Variants in ARHGAP15 observed in about 807,000 individuals in gnomAD.
ARHGAP15 encodes Rho GTPase activating protein 15, also known as rho GTPase-activating protein 15.
Under a neutral mutation model 63.7 loss-of-function variants are expected in ARHGAP15, and 51 were observed. The observed-to-expected ratio is 0.80, with a 90% CI of 0.64 to 1.01. The LOEUF (loss-of-function observed/expected upper bound fraction) is 1.01. Among genes scored for constraint, ARHGAP15 ranks in the 50% least tolerant of loss-of-function variants. ARHGAP15 has a pLI of 0.00. For missense variants in ARHGAP15, 560 were observed against 564.6 expected, an observed-to-expected ratio of 0.99 and a Z score of 0.08; for synonymous variants, 191 against 193.8, an observed-to-expected ratio of 0.99 and a Z score of 0.12.
At chr2:143,518,631 G>T (rs918479911) in intron 9 of ARHGAP15, among the ~76,000 whole-genome samples, 6 of 152,182 alleles carry the variant, frequency 3.9e-5, no homozygotes, top group African/African-American at 1.4e-4. Context: ...CAGCCTGAGG[G>T]TCTGGTATTC....
rs71411383 is a variant in ARHGAP15 at position 143,397,316 on chromosome 2, A to ATGTGTGTG, written c.475-38261_475-38254dup. ...TGGACAATAATAATATGAGATATGT[A>ATGTGTGTG]TGTGTGTGTGTGTGTGTGTGTGTGT... On this transcript the variant is annotated intron_variant, in intron 6 of 13. Coordinates refer to ENST00000295095, the MANE Select transcript of ARHGAP15 (RefSeq NM_018460.4). Among the ~76,000 whole-genome samples, 310 of 147,708 alleles carry ATGTGTGTG rather than the reference A, an allele frequency of 2.1e-3. 2 individuals are homozygous for ATGTGTGTG. The highest frequency in any genetic ancestry group is 5.3e-3 in the African/African-American group (210 of 39,616).
intron 10 of ARHGAP15, among the ~76,000 whole-genome samples, chr2:143,554,449 T>C (rs1371712941): frequency 6.6e-6 from 1 of 152,188 alleles, no homozygotes; most frequent in African/African-American, 2.4e-5. Flanking sequence ...TCAGGGCCTC[T>C]GAGGGTGATT....
At chr2:143,726,419 A>G (rs1483281125) in intron 13 of ARHGAP15, among the ~76,000 whole-genome samples, 1 of 142,078 alleles carries the variant, frequency 7.0e-6, no homozygotes, top group African/African-American at 2.5e-5. Context: ...CCTGAAAAAA[A>G]CAACCAAAAA....
intron 2 of ARHGAP15, among the ~76,000 whole-genome samples, chr2:143,189,556 G>A (rs182747591): frequency 1.3e-5 from 2 of 149,382 alleles, no homozygotes. Flanking sequence ...TCCCCTCTCA[G>A]GTTCAAGCGA....
At chr2:143,385,227 G>C (rs1452688920) in intron 6 of ARHGAP15, among the ~76,000 whole-genome samples, 1 of 152,052 alleles carries the variant, frequency 6.6e-6, no homozygotes, top group Non-Finnish European at 1.5e-5. Context: ...GACACATGCA[G>C]TTATTTACAA....
At chr2:143,456,329 G>A (rs1416959974) in intron 8 of ARHGAP15, among the ~76,000 whole-genome samples, 1 of 151,900 alleles carries the variant, frequency 6.6e-6, no homozygotes, top group Non-Finnish European at 1.5e-5. Flanking sequence ...AATGACAGAG[G>A]GCAACTTAAT....
chr2:143,495,178 A>G (rs13004634), intron 9 of ARHGAP15, among the ~76,000 whole-genome samples: 40,329 of 151,524 alleles, frequency 0.27, 6,161 homozygotes, highest in East Asian at 0.72. Context: ...TCTTTCCTTC[A>G]TTTCATCTTG....
chr2:143,384,117 A>G (rs1687170385), intron 6 of ARHGAP15, among the ~76,000 whole-genome samples: 1 of 152,154 alleles, frequency 6.6e-6, no homozygotes, highest in Non-Finnish European at 1.5e-5. Context: ...CGTAAGTGAA[A>G]AAGACTCTTA....
At chr2:143,569,452 G>T (rs1696367894) in intron 11 of ARHGAP15, among the ~76,000 whole-genome samples, 2 of 152,176 alleles carry the variant, frequency 1.3e-5, no homozygotes, top group Admixed American at 1.3e-4. Context: ...TCTTTGAGGA[G>T]GAGACATTTG....
At chr2:143,598,781 A>G (rs184656158) in intron 11 of ARHGAP15, among the ~76,000 whole-genome samples, 18 of 152,202 alleles carry the variant, frequency 1.2e-4, no homozygotes, top group Admixed American at 1.2e-3. Context: ...TTATCCAGGC[A>G]TGGTGTACGC....
chr2:143,399,496 G>A (rs183478871), intron 6 of ARHGAP15, among the ~76,000 whole-genome samples: 4 of 152,002 alleles, frequency 2.6e-5, no homozygotes, highest in African/African-American at 9.6e-5. Flanking sequence ...TAATAATAAC[G>A]ATAATGATAA....
chr2:143,727,142 T>G (rs141965916), intron 13 of ARHGAP15, among the ~76,000 whole-genome samples: 128 of 152,262 alleles, frequency 8.4e-4, no homozygotes, highest in African/African-American at 3.0e-3. Context: ...GCCCTTAGGA[T>G]GAGGTGAGAA....
chr2:143,179,599 C>T (rs1420394184), intron 2 of ARHGAP15, among the ~76,000 whole-genome samples: 1 of 152,068 alleles, frequency 6.6e-6, no homozygotes, highest in African/African-American at 2.4e-5. Context: ...GTATAAAAAA[C>T]AATATGAGCC....
chr2:143,495,873 A>G (rs1559009648), intron 9 of ARHGAP15, among the ~76,000 whole-genome samples: 2 of 152,248 alleles, frequency 1.3e-5, no homozygotes, highest in Non-Finnish European at 2.9e-5. Flanking sequence ...TGTTAGTCTG[A>G]GAATAATTAT....
At chr2:143,216,242 C>T in intron 3 of ARHGAP15, 142 bp from the exon 4 acceptor site, 1 of 567,454 alleles carries the variant, frequency 1.8e-6, no homozygotes, top group South Asian at 2.7e-5. Flanking sequence ...AGGCACTTCC[C>T]ATAAGCTATA....
chr2:143,471,545 A>T (rs927372235), intron 8 of ARHGAP15, among the ~76,000 whole-genome samples: 6 of 152,116 alleles, frequency 3.9e-5, no homozygotes, highest in African/African-American at 1.4e-4. Context: ...AAGAAAGGGG[A>T]TAGAGGGCTC....
At chr2:143,757,418 T>C (rs1214001213) in intron 13 of ARHGAP15, among the ~76,000 whole-genome samples, 2 of 151,972 alleles carry the variant, frequency 1.3e-5, no homozygotes, top group Non-Finnish European at 2.9e-5. Flanking sequence ...GGCTGAGGCA[T>C]GAGAGTCGCT....
intron 6 of ARHGAP15, among the ~76,000 whole-genome samples, chr2:143,282,772 C>A (rs1350792817): frequency 2.0e-5 from 3 of 152,084 alleles, no homozygotes; most frequent in Non-Finnish European, 4.4e-5. Flanking sequence ...AAATTTGGAC[C>A]CAGATCTGTT....
At chr2:143,749,240 A>G (rs950107195) in intron 13 of ARHGAP15, among the ~76,000 whole-genome samples, 2 of 152,204 alleles carry the variant, frequency 1.3e-5, no homozygotes, top group Admixed American at 1.3e-4. Context: ...AGGACAGATG[A>G]GTCCACCAGC....
Sources: gnomAD v4.1 joint callset for allele counts (sites outside exome capture counted in the v4.1 genomes callset) on GRCh38, gnomAD v4.1.1 for gene constraint, MANE v1.5 for transcripts, NCBI Gene and HGNC (gene_info 2026-07-23, HGNC 2026-07-21) for gene names.